The following DENND2B variants were observed in gnomAD, a reference collection of about 807,000 sequenced individuals.
DENND2B encodes DENN domain containing 2B.
Under a neutral mutation model 116.0 loss-of-function variants are expected in DENND2B, and 32 were observed. The observed-to-expected ratio is 0.28, with a 90% CI of 0.21 to 0.37. DENND2B has a LOEUF of 0.37. DENND2B is among the 10% of genes least tolerant of loss of function. The probability of loss-of-function intolerance (pLI) is 1.00; values close to 1 mark genes in which losing one functional copy is unlikely to be tolerated. For missense variants in DENND2B, 1,276 were observed against 1,477.7 expected (o/e 0.86, Z 2.24); for synonymous variants, 588 against 583.9 (o/e 1.01, Z -0.10).
At chr11:8,851,941 A>T (rs527479057) in intron 3 of DENND2B, among the ~76,000 whole-genome samples, 2 of 151,944 alleles carry the variant, frequency 1.3e-5, no homozygotes, top group East Asian at 3.9e-4. Flanking sequence ...CAACTAACTA[A>T]TTAGGGGGGA....
chr11:8,810,057 T>A (rs1297320920), intron 1 of DENND2B: 1 of 139,578 alleles, frequency 7.2e-6, no homozygotes, highest in African/African-American at 2.6e-5. Context: ...GCCTTTTTTT[T>A]TTTTTTTTTT....
At chr11:8,811,627 C>T (rs2061377942), upstream of DENND2B, 1 of 311,702 alleles carries the variant, frequency 3.2e-6, no homozygotes, top group African/African-American at 2.1e-5. Flanking sequence ...TACATTTCTG[C>T]TTTGTAACAT....
At chr11:8,778,765 G>C (rs1185528251) in intron 1 of DENND2B, among the ~76,000 whole-genome samples, 1 of 152,200 alleles carries the variant, frequency 6.6e-6, no homozygotes, top group African/African-American at 2.4e-5. Flanking sequence ...GGCACACCCT[G>C]AACACCTGAT....
intron 11 of DENND2B, among the ~76,000 whole-genome samples, chr11:8,709,114 C>T (rs1443207612): frequency 2.0e-5 from 3 of 152,164 alleles, no homozygotes; most frequent in Non-Finnish European, 4.4e-5. Flanking sequence ...CAGGTGCTGG[C>T]CCCTCGTGCA....
chr11:8,695,645 A>C (rs1389115345), intron 18 of DENND2B, 96 bp from the exon 19 acceptor site: 2 of 1,040,700 alleles, frequency 1.9e-6, no homozygotes, highest in Non-Finnish European at 2.9e-6. Flanking sequence ...AGATGCCAAA[A>C]AAGGAGAAAG....
At chr11:8,875,089 C>T (rs2063828187), upstream of DENND2B, among the ~76,000 whole-genome samples, 1 of 151,882 alleles carries the variant, frequency 6.6e-6, no homozygotes, top group African/African-American at 2.4e-5. Context: ...TTTGGGAGGC[C>T]GAGGAGGGCA....
intron 2 of DENND2B, among the ~76,000 whole-genome samples, chr11:8,738,205 C>T (rs1488035758): frequency 6.6e-6 from 1 of 152,202 alleles, no homozygotes; most frequent in African/African-American, 2.4e-5. Context: ...ACCCACTTTC[C>T]CATGTGCCTG....
intron 1 of DENND2B, among the ~76,000 whole-genome samples, chr11:8,794,391 C>T (rs1485410722): frequency 2.0e-5 from 3 of 152,342 alleles, no homozygotes; most frequent in East Asian, 3.9e-4. Flanking sequence ...GACCCACCCA[C>T]GTGGTCCTTC....
exon 2 of DENND2B, chr11:8,871,053 G>GGCGGGCAGGCATCCGCGCCCCGGGCT (rs2063766578): frequency 6.6e-6 from 1 of 152,198 alleles, no homozygotes; most frequent in African/African-American, 2.4e-5. Flanking sequence ...GAGGGCGGGC[G>GGCGGGCAGGCATCCGCGCCCCGGGCT]GCGGGCAGGC....
At chr11:8,891,938 T>A (rs1345311890) in intron 1 of DENND2B, among the ~76,000 whole-genome samples, 10 of 152,072 alleles carry the variant, frequency 6.6e-5, no homozygotes, top group Non-Finnish European at 1.3e-4. Flanking sequence ...CAGAATATAC[T>A]TTCTTCTCAG....
chr11:8,820,981 G>A (rs1225217338), intron 4 of DENND2B, among the ~76,000 whole-genome samples: 1 of 151,950 alleles, frequency 6.6e-6, no homozygotes, highest in Admixed American at 6.6e-5. Flanking sequence ...AATTAGCCAG[G>A]CATGATGGCG....
intron 1 of DENND2B, among the ~76,000 whole-genome samples, chr11:8,904,764 C>T (rs182903328): frequency 1.3e-5 from 2 of 152,206 alleles, no homozygotes; most frequent in East Asian, 3.9e-4. Context: ...TATTTCTATA[C>T]ACTAGTAATA....
chr11:8,771,165 T>C (rs754407793), intron 1 of DENND2B, among the ~76,000 whole-genome samples: 1 of 152,148 alleles, frequency 6.6e-6, no homozygotes, highest in Non-Finnish European at 1.5e-5. Context: ...CACAAGGAGC[T>C]GTGGCAGCAC....
At chr11:8,865,280 A>AT (rs542445766) in intron 2 of DENND2B, among the ~76,000 whole-genome samples, 115 of 152,176 alleles carry the variant, frequency 7.6e-4, no homozygotes, top group Admixed American at 1.1e-3. Flanking sequence ...TTTGATGGTA[A>AT]TTTTTTTAAA....
At chr11:8,906,367 T>G (rs1376341396) in intron 1 of DENND2B, among the ~76,000 whole-genome samples, 1 of 151,562 alleles carries the variant, frequency 6.6e-6, no homozygotes, top group Non-Finnish European at 1.5e-5. Flanking sequence ...GCCCAGCTAA[T>G]TTTTTGTATT....
intron 5 of DENND2B, 26 bp downstream of exon 5, chr11:8,717,715 A>G: frequency 2.0e-6 from 3 of 1,522,548 alleles, no homozygotes; most frequent in South Asian, 2.6e-5. Flanking sequence ...CGCTAACCCT[A>G]CAGGCCGATG....
chr11:8,796,909 A>G (rs2059865674), intron 1 of DENND2B, among the ~76,000 whole-genome samples: 1 of 152,172 alleles, frequency 6.6e-6, no homozygotes, highest in Admixed American at 6.5e-5. Context: ...ATGGACTCGC[A>G]TTCTCAGTAT....
intron 1 of DENND2B, among the ~76,000 whole-genome samples, chr11:8,798,724 CCAAA>C (rs2060045454): frequency 1.3e-5 from 2 of 151,820 alleles, no homozygotes; most frequent in South Asian, 4.2e-4. Context: ...CCTGGGTTTA[CCAAA>C]CAGTTGTGGG....
chr11:8,863,237 A>G (rs1299331299), intron 2 of DENND2B, among the ~76,000 whole-genome samples: 1 of 149,600 alleles, frequency 6.7e-6, no homozygotes, highest in African/African-American at 2.5e-5. Context: ...CCCACGCCCC[A>G]TGACTCTTAA....
Sources: allele counts gnomAD v4.1 joint callset (sites outside exome capture counted in the v4.1 genomes callset), GRCh38; gene constraint gnomAD v4.1.1; transcripts MANE v1.5; gene names NCBI Gene and HGNC (gene_info 2026-07-23, HGNC 2026-07-21).